The following NAE1 variants were observed in gnomAD, a reference collection of about 807,000 sequenced individuals.
The protein encoded by NAE1 is NEDD8 activating enzyme E1 subunit 1.
Under a neutral mutation model 88.0 loss-of-function variants are expected in NAE1, and 59 were observed. The ratio of observed to expected loss-of-function variants is 0.67; its 90% CI spans 0.54 to 0.83. The LOEUF is 0.83. NAE1 is among the 40% of genes least tolerant of loss of function. The probability of loss-of-function intolerance (pLI) is 0.00; values close to 1 mark genes in which losing one functional copy is unlikely to be tolerated. For missense variants in NAE1, 554 were observed against 632.8 expected (o/e 0.88, Z 1.34); for synonymous variants, 186 against 208.9 (o/e 0.89, Z 0.95).
At chr16:66,818,804 G>A (rs940333217) in intron 7 of NAE1, among the ~76,000 whole-genome samples, 167 bp from the exon 8 acceptor site, 7 of 152,194 alleles carry the variant, frequency 4.6e-5, no homozygotes, top group African/African-American at 1.4e-4. Flanking sequence ...CTGAGAAGGT[G>A]GGACTACAGT....
chr16:66,825,275 G>A (rs1043651690), intron 3 of NAE1, among the ~76,000 whole-genome samples: 7 of 151,862 alleles, frequency 4.6e-5, no homozygotes, highest in African/African-American at 9.7e-5. Context: ...GTGAAACCCC[G>A]TCTCTATTAA....
chr16:66,811,138 A>G (rs1959781817), intron 13 of NAE1, among the ~76,000 whole-genome samples: 1 of 152,150 alleles, frequency 6.6e-6, no homozygotes, highest in Non-Finnish European at 1.5e-5. Context: ...AAATACATTA[A>G]AACTGTTCAT....
At chr16:66,811,366 C>T (rs900265263) in intron 13 of NAE1, among the ~76,000 whole-genome samples, 1 of 152,090 alleles carries the variant, frequency 6.6e-6, no homozygotes, top group Non-Finnish European at 1.5e-5. Flanking sequence ...CCATGTTGCC[C>T]AGGCTGGTCT....
At chr16:66,808,870 G>A in intron 16 of NAE1, 119 bp downstream of exon 16, 1 of 672,994 alleles carries the variant, frequency 1.5e-6, no homozygotes, top group East Asian at 3.1e-5. Context: ...AATAAAATTA[G>A]AATATGTTTA....
intron 1 of NAE1, among the ~76,000 whole-genome samples, chr16:66,829,062 C>T (rs1464997802): frequency 6.6e-6 from 1 of 151,938 alleles, no homozygotes; most frequent in African/African-American, 2.4e-5. Flanking sequence ...ATGAATCAGT[C>T]CTCTCTACTA....
intron 6 of NAE1, 143 bp from the exon 7 acceptor site, chr16:66,821,702 C>A: frequency 6.3e-6 from 4 of 633,864 alleles, no homozygotes; most frequent in Non-Finnish European, 9.8e-6. Flanking sequence ...TTTACATAAG[C>A]AGGTCAAGAA....
intron 1 of NAE1, 121 bp downstream of exon 1, chr16:66,830,726 G>C: frequency 4.1e-6 from 4 of 974,634 alleles, no homozygotes; most frequent in Non-Finnish European, 4.3e-6. Flanking sequence ...GCCCCGCACG[G>C]CCCGGCCCAG....
At position 66,830,939 on chromosome 16, in the gene NAE1, G is replaced by C; in HGVS notation, c.-40C>G. Reference sequence around the variant, plus strand: ...CGCGGAAAACAGCCGAGCCCCTGCGGAGCGCCGCCACCAGCTCCACAAGCG... The same window carrying C: ...CGCGGAAAACAGCCGAGCCCCTGCGCAGCGCCGCCACCAGCTCCACAAGCG... On this transcript the variant is annotated 5_prime_UTR_variant, in exon 1 of 20. Coordinates refer to ENST00000290810, the MANE Select transcript of NAE1 (RefSeq NM_003905.4). 1 of 1,494,398 alleles carries C rather than the reference G, an allele frequency of 6.7e-7. No homozygotes were observed. 92.6% of individuals were successfully genotyped at this position (1,494,398 alleles called of 1,614,324 possible).
At chr16:66,813,325 A>G (rs1045507957) in intron 13 of NAE1, 2 of 427,140 alleles carry the variant, frequency 4.7e-6, no homozygotes, top group Non-Finnish European at 8.3e-6. Context: ...CAATTTGTAG[A>G]GATGGAAGTC....
At chr16:66,810,573 G>T in intron 14 of NAE1, 124 bp downstream of exon 14, 1 of 1,078,100 alleles carries the variant, frequency 9.3e-7, no homozygotes, top group Non-Finnish European at 1.4e-6. Context: ...ATCCCATTAG[G>T]CAGGGAAATG....
At chr16:66,825,396 G>A (rs903823366) in intron 3 of NAE1, among the ~76,000 whole-genome samples, 25 of 149,836 alleles carry the variant, frequency 1.7e-4, no homozygotes, top group South Asian at 8.5e-4. Flanking sequence ...GCAGTGAGCC[G>A]AGATTGCACC....
intron 17 of NAE1, among the ~76,000 whole-genome samples, chr16:66,807,608 C>G (rs954748083): frequency 6.6e-6 from 1 of 151,706 alleles, no homozygotes; most frequent in Admixed American, 6.6e-5. Context: ...CCACTGCACT[C>G]CAGCCTGGGC....
chr16:66,823,663 A>G (rs1567496260), intron 4 of NAE1, 63 bp from the exon 5 acceptor site: 1 of 1,314,906 alleles, frequency 7.6e-7, no homozygotes, highest in Middle Eastern at 1.9e-4. Flanking sequence ...TAATCCCCCA[A>G]TTTATGGAAC....
intron 17 of NAE1, chr16:66,806,284 T>C (rs991974814): frequency 6.6e-6 from 2 of 304,942 alleles, no homozygotes; most frequent in Non-Finnish European, 1.2e-5. Flanking sequence ...ATCTGGCACA[T>C]AGTGCTTAAT....
At chr16:66,817,401 A>T in intron 9 of NAE1, 24 bp downstream of exon 9, 1 of 1,550,094 alleles carries the variant, frequency 6.5e-7, no homozygotes. Flanking sequence ...TTGCATATGA[A>T]ATTTTTTTTA....
Position 66,817,018 on chromosome 16 carries a change from C to T in NAE1, c.695G>A (p.Arg232Gln). Reference protein sequence around the residue: ...LAQWYSETNGRIPKTYKEKED... With the variant: ...LAQWYSETNGQIPKTYKEKED... ...TTTTTCTTTATACGTTTTAGGTATT[C>T]GTCCATTTGTCTAAATTGGTTAAAA... The change falls in exon 10 of 20, where the codon CGA (arginine) becomes CAA (glutamine). Residue 232 changes from arginine (R) to glutamine (Q), a missense_variant. Arg to Gln is a conservative substitution (Grantham distance 43). Transcript: ENST00000290810. 47 of 1,591,714 alleles carry T rather than the reference C, an allele frequency of 3.0e-5. No homozygotes were observed. Among genetic ancestry groups the T allele is most frequent in the Non-Finnish European group, 3.9e-5 (46 of 1,174,216 alleles).
intron 1 of NAE1, chr16:66,828,186 A>G: frequency 1.2e-6 from 1 of 835,326 alleles, no homozygotes; most frequent in Non-Finnish European, 1.9e-6. Context: ...TGGAGAGTAA[A>G]TTTAAGAATA....
chr16:66,818,239 A>G (rs1210062920), intron 8 of NAE1, among the ~76,000 whole-genome samples: 1 of 152,116 alleles, frequency 6.6e-6, no homozygotes, highest in Non-Finnish European at 1.5e-5. Context: ...TTTGGTACCC[A>G]TTAACCATCC....
At chr16:66,816,517 T>TTTA in intron 11 of NAE1, 64 bp downstream of exon 11, 1 of 1,148,502 alleles carries the variant, frequency 8.7e-7, no homozygotes, top group Non-Finnish European at 1.3e-6. Context: ...AGTCAACCAT[T>TTTA]TAATAGCCAA....
Sources: allele counts gnomAD v4.1 joint callset (sites outside exome capture counted in the v4.1 genomes callset), GRCh38; gene constraint gnomAD v4.1.1; transcripts MANE v1.5; gene names NCBI Gene and HGNC (gene_info 2026-07-23, HGNC 2026-07-21).